ATAD2B: variants seen among roughly 807,000 people sequenced by gnomAD.
ATAD2B encodes the protein ATPase family AAA domain containing 2B, also known as ATPase family AAA domain-containing protein 2B.
In ATAD2B, 40 loss-of-function variants were observed where a neutral mutation model predicts 167.6. That is an observed-to-expected ratio of 0.24 (90% CI 0.19 to 0.31). The LOEUF (loss-of-function observed/expected upper bound fraction) is 0.31. Among genes scored for constraint, ATAD2B ranks in the 10% least tolerant of loss-of-function variants. The pLI is 1.00. For missense variants in ATAD2B, 1,242 were observed against 1,757.2 expected (o/e 0.71, Z 5.24); for synonymous variants, 579 against 596.5 (o/e 0.97, Z 0.43).
the ATAD2B span, among the ~76,000 whole-genome samples, chr2:23,718,417 C>G: frequency 6.6e-6 from 1 of 151,634 alleles, no homozygotes; most frequent in African/African-American, 2.4e-5. Flanking sequence ...GTCTTAGGAG[C>G]CTGAGAGTCA....
intron 22 of ATAD2B, among the ~76,000 whole-genome samples, chr2:23,779,655 G>A (rs934797989): frequency 1.3e-5 from 2 of 151,708 alleles, no homozygotes; most frequent in African/African-American, 2.4e-5. Flanking sequence ...TTATAAAAGA[G>A]GAAAAAACTA....
chr2:23,692,231 G>A, the ATAD2B span, among the ~76,000 whole-genome samples: 1 of 152,204 alleles, frequency 6.6e-6, no homozygotes, highest in African/African-American at 2.4e-5. Flanking sequence ...TCTAGACCCT[G>A]AACAAAGCAG....
chr2:23,785,838 G>T, intron 21 of ATAD2B, 189 bp downstream of exon 21: 1 of 482,656 alleles, frequency 2.1e-6, no homozygotes. Context: ...TAAATTGGTC[G>T]CTAATTTCAT....
chr2:23,764,729 C>G (rs12474314), intron 23 of ATAD2B, among the ~76,000 whole-genome samples: 3,365 of 152,256 alleles, frequency 0.022, 378 homozygotes, highest in Admixed American at 0.19. Context: ...ATTTTTGTGT[C>G]CTAGACCCCG....
intron 18 of ATAD2B, among the ~76,000 whole-genome samples, chr2:23,803,435 T>C (rs1407950387): frequency 6.6e-6 from 1 of 152,130 alleles, no homozygotes; most frequent in Non-Finnish European, 1.5e-5. Flanking sequence ...AAACCTAGAA[T>C]AGTAATATCT....
intron 1 of ATAD2B, among the ~76,000 whole-genome samples, chr2:23,899,396 T>C (rs1366740116): frequency 6.6e-6 from 1 of 151,758 alleles, no homozygotes; most frequent in Non-Finnish European, 1.5e-5. Flanking sequence ...ATGTATATAA[T>C]TAAGATGGTG....
the ATAD2B span, among the ~76,000 whole-genome samples, chr2:23,716,989 GGAGGATGGAGGC>G: frequency 1.3e-4 from 20 of 152,194 alleles, no homozygotes; most frequent in Non-Finnish European, 2.4e-4. Context: ...AAATAACTTA[GGAGGATGGAGGC>G]GAGGATGGAG....
chr2:23,767,504 CTATT>C (rs923627143), intron 22 of ATAD2B, among the ~76,000 whole-genome samples: 2 of 152,100 alleles, frequency 1.3e-5, no homozygotes, highest in Non-Finnish European at 2.9e-5. Context: ...GGTACTGAAA[CTATT>C]TATAACAGTA....
At chr2:23,803,588 A>G (rs1012275810) in intron 18 of ATAD2B, among the ~76,000 whole-genome samples, 2 of 152,216 alleles carry the variant, frequency 1.3e-5, no homozygotes, top group Non-Finnish European at 2.9e-5. Context: ...TTAAGAAACA[A>G]TAAGAAAAAC....
Position 23,885,738 on chromosome 2 carries a change from C to G in ATAD2B, c.664G>C (p.Asp222His). 4 of 1,582,408 alleles carry G rather than the reference C, an allele frequency of 2.5e-6. No homozygotes were observed. The highest frequency in any genetic ancestry group is 3.5e-6 in the Non-Finnish European group (4 of 1,159,274). The change falls in exon 5 of 28, where the codon GAT (aspartate) becomes CAT (histidine). Residue 222 changes from aspartate (D) to histidine (H), a missense_variant. Asp to His is a moderately conservative substitution (Grantham distance 81). Transcript: ENST00000238789. ...GCTAATATACTCACAAATTCTGTAT[C>G]TGTCCACATTCGAAGTCGTTCTACT... ...GEVERLRMWT[D>H]TEFENMDMYS...
chr2:23,813,380 A>G (rs539346318), intron 17 of ATAD2B, among the ~76,000 whole-genome samples: 1 of 149,828 alleles, frequency 6.7e-6, no homozygotes, highest in Admixed American at 6.7e-5. Context: ...ATATAAATGT[A>G]TAAAATGTAT....
chr2:23,843,905 A>G (rs1691331696), intron 13 of ATAD2B, among the ~76,000 whole-genome samples: 2 of 152,156 alleles, frequency 1.3e-5, no homozygotes, highest in Non-Finnish European at 2.9e-5. Context: ...TCCTACACTC[A>G]GGGCTACTCA....
chr2:23,752,711 A>C (rs941362963), intron 27 of ATAD2B, among the ~76,000 whole-genome samples: 2 of 152,014 alleles, frequency 1.3e-5, no homozygotes, highest in Non-Finnish European at 2.9e-5. Context: ...CTAACTCCCA[A>C]AGCAAAATGA....
intron 20 of ATAD2B, chr2:23,788,052 A>C (rs889760675): frequency 6.5e-6 from 1 of 154,906 alleles, no homozygotes; most frequent in African/African-American, 2.4e-5. Context: ...AGGGGTCCTA[A>C]ATAAGTATTT....
the ATAD2B span, chr2:23,696,190 C>T: frequency 5.9e-6 from 9 of 1,515,340 alleles, no homozygotes; most frequent in South Asian, 2.5e-5. This position sits in a 1 kb window ranked among gnomAD's most constrained non-coding sequence, Gnocchi z 5.5. Context: ...GGGGACTGCT[C>T]CCCACGTCAG....
chr2:23,847,399 G>A (rs1205482261), intron 13 of ATAD2B, among the ~76,000 whole-genome samples: 1 of 152,132 alleles, frequency 6.6e-6, no homozygotes, highest in Non-Finnish European at 1.5e-5. Flanking sequence ...CAGCTACTTG[G>A]GAGGCTGAGG....
chr2:23,890,559 C>A (rs1382719271), intron 2 of ATAD2B, among the ~76,000 whole-genome samples: 2 of 152,176 alleles, frequency 1.3e-5, no homozygotes, highest in Non-Finnish European at 2.9e-5. Context: ...CACAGAAAAA[C>A]CAACTTTATT....
intron 22 of ATAD2B, among the ~76,000 whole-genome samples, chr2:23,768,915 G>C (rs1338879657): frequency 6.6e-6 from 1 of 152,140 alleles, no homozygotes; most frequent in Admixed American, 6.5e-5. Flanking sequence ...ACATGCTGGT[G>C]GACATTAGTG....
intron 12 of ATAD2B, among the ~76,000 whole-genome samples, chr2:23,859,474 A>G (rs949210840): frequency 1.3e-5 from 2 of 152,084 alleles, no homozygotes; most frequent in East Asian, 1.9e-4. Context: ...ACACTTGGCT[A>G]ATTTTTGTAT....
Sources: allele counts gnomAD v4.1 joint callset (sites outside exome capture counted in the v4.1 genomes callset), GRCh38; gene constraint gnomAD v4.1.1; non-coding constraint Gnocchi (gnomAD v3.1); transcripts MANE v1.5; gene names NCBI Gene and HGNC (gene_info 2026-07-23, HGNC 2026-07-21).